Variants in CACNA2D3 observed in about 807,000 individuals in gnomAD.
CACNA2D3 encodes calcium voltage-gated channel auxiliary subunit alpha2delta 3.
A neutral mutation model predicts 160.6 loss-of-function variants in CACNA2D3; 60 were observed. The ratio of observed to expected loss-of-function variants is 0.37; its 90% CI spans 0.30 to 0.46. The LOEUF (loss-of-function observed/expected upper bound fraction) is 0.46. CACNA2D3 is among the 20% of genes least tolerant of loss of function. The pLI, the probability that CACNA2D3 is intolerant of heterozygous loss-of-function variation, is 1.00. For missense variants in CACNA2D3, 1,205 were observed against 1,365.0 expected, an observed-to-expected ratio of 0.88 and a Z score of 1.85; for synonymous variants, 558 against 492.9, an observed-to-expected ratio of 1.13 and a Z score of -1.75.
intron 4 of CACNA2D3, among the ~76,000 whole-genome samples, chr3:54,456,288 T>C (rs1700395381): frequency 6.6e-6 from 1 of 152,058 alleles, no homozygotes; most frequent in African/African-American, 2.4e-5. Context: ...GTTAAATTTA[T>C]TCTTAAGTAT....
chr3:54,918,678 G>C (rs1327386917), intron 27 of CACNA2D3: 2 of 1,614,144 alleles, frequency 1.2e-6, no homozygotes, highest in Non-Finnish European at 1.7e-6. Context: ...GCTTGGGTTT[G>C]AGCTCGCACT....
At chr3:54,471,794 A>G (rs1451187319) in intron 4 of CACNA2D3, among the ~76,000 whole-genome samples, 1 of 152,178 alleles carries the variant, frequency 6.6e-6, no homozygotes, top group South Asian at 2.1e-4. Context: ...TAAACTAGAA[A>G]ATCTAGAAGA....
chr3:54,375,063 T>C (rs1194523405), intron 3 of CACNA2D3, among the ~76,000 whole-genome samples: 1 of 152,204 alleles, frequency 6.6e-6, no homozygotes. Flanking sequence ...GCCCTTCCTT[T>C]GTTTTCTGGG....
Position 54,298,944 on chromosome 3 carries a change from TAAAAA to T in CACNA2D3, c.205-21473_205-21469del, listed in dbSNP as rs59100168. Among the ~76,000 whole-genome samples the T allele has an allele frequency of 3.6e-3, 359 of 99,270 alleles. 1 individual carries two copies. Among genetic ancestry groups the T allele is most frequent in the African/African-American group, 0.014 (344 of 24,872 alleles). 65.1% of individuals were successfully genotyped at this position (99,270 alleles called of 152,430 possible). A position where few individuals can be genotyped will look rare whatever the true frequency, so the allele number is the denominator to read the frequency against. On this transcript the variant is annotated intron_variant, in intron 2 of 37. Coordinates refer to ENST00000474759, the MANE Select transcript of CACNA2D3 (RefSeq NM_018398.3). ...AGCAACAGAGCAAGACTCTGTTTCTTAAAAAAAAAAAAAAAAAAAAAAAAAAAAAG... is the reference window on the plus strand; with the variant it reads ...AGCAACAGAGCAAGACTCTGTTTCTTAAAAAAAAAAAAAAAAAAAAAAAAG...
chr3:54,991,461 G>C (rs1406865302), intron 31 of CACNA2D3, among the ~76,000 whole-genome samples: 1 of 152,120 alleles, frequency 6.6e-6, no homozygotes, highest in African/African-American at 2.4e-5. Flanking sequence ...GACCTCAGGT[G>C]ATCCCCCCAA....
rs192267570 is a variant in CACNA2D3, at chr3:54,273,015, A to C, written c.205-47427A>C. On this transcript the variant is annotated intron_variant, in intron 2 of 37. Coordinates refer to ENST00000474759, the MANE Select transcript of CACNA2D3 (RefSeq NM_018398.3). ...GTTCTGAGTCCTGCCATGGGCCGTG[A>C]GGACAGCCGGCCACTCTTCCTGGTG... is the stretch of plus-strand genomic sequence containing the variant. 1,181 of 152,452 alleles carry C rather than the reference A, an allele frequency of 7.7e-3. 6 individuals carry two copies. The highest frequency in any genetic ancestry group is 0.012 in the Non-Finnish European group (828 of 68,152). The allele number at this position is 152,452 out of a possible 1,614,324, so 9.4% of individuals were successfully genotyped here. A position where few individuals can be genotyped will look rare whatever the true frequency, so the allele number is the denominator to read the frequency against.
intron 3 of CACNA2D3, among the ~76,000 whole-genome samples, chr3:54,339,260 G>A (rs1704462706): frequency 6.6e-6 from 1 of 152,068 alleles, no homozygotes; most frequent in Non-Finnish European, 1.5e-5. Context: ...TCTCTGAGTG[G>A]AATCTTCTTC....
At chr3:54,514,946 C>G (rs1701523687) in intron 5 of CACNA2D3, among the ~76,000 whole-genome samples, 1 of 152,166 alleles carries the variant, frequency 6.6e-6, no homozygotes, top group African/African-American at 2.4e-5. Flanking sequence ...ATACGAATTT[C>G]TACTGTAGAA....
chr3:54,328,003 G>A (rs541909093), intron 3 of CACNA2D3, among the ~76,000 whole-genome samples: 3 of 152,288 alleles, frequency 2.0e-5, no homozygotes, highest in South Asian at 4.1e-4. Flanking sequence ...GATGGCATCC[G>A]TAGTGTTTCA....
At chr3:54,525,464 C>G (rs925729746) in intron 5 of CACNA2D3, among the ~76,000 whole-genome samples, 1 of 152,110 alleles carries the variant, frequency 6.6e-6, no homozygotes, top group Non-Finnish European at 1.5e-5. Context: ...GTTATTTGCT[C>G]TAAGCATGCA....
chr3:54,822,840 C>CTTTCTTTCTTTCTTTCTTTCTTTCTTTCT (rs1559595895), intron 14 of CACNA2D3, among the ~76,000 whole-genome samples: 5 of 103,778 alleles, frequency 4.8e-5, no homozygotes, highest in African/African-American at 2.1e-4. Context: ...TCTTTTCTTT[C>CTTTCTTTCTTTCTTTCTTTCTTTCTTTCT]TTTCTTTCTT....
chr3:54,560,694 T>C (rs1702310903), intron 5 of CACNA2D3, among the ~76,000 whole-genome samples: 1 of 152,168 alleles, frequency 6.6e-6, no homozygotes, highest in East Asian at 1.9e-4. Flanking sequence ...TATTCCAGGG[T>C]TTTTATAGTT....
intron 2 of CACNA2D3, among the ~76,000 whole-genome samples, chr3:54,184,072 T>G (rs890880325): frequency 1.3e-5 from 2 of 152,018 alleles, no homozygotes. Flanking sequence ...AGGTCAAGCT[T>G]GAAGGCAGGG....
intron 35 of CACNA2D3, among the ~76,000 whole-genome samples, chr3:55,045,996 CTTCT>C (rs1267960197): frequency 6.6e-6 from 1 of 151,732 alleles, no homozygotes; most frequent in Non-Finnish European, 1.5e-5. Context: ...TGAGGACTTT[CTTCT>C]TTCTAATATA....
At chr3:54,693,898 C>T (rs1032124433) in intron 11 of CACNA2D3, among the ~76,000 whole-genome samples, 3 of 152,060 alleles carry the variant, frequency 2.0e-5, no homozygotes, top group Non-Finnish European at 4.4e-5. Context: ...AGTCATGTTA[C>T]TACAGAAGAA....
chr3:54,983,399 A>G (rs537327408), intron 29 of CACNA2D3, among the ~76,000 whole-genome samples: 20 of 152,340 alleles, frequency 1.3e-4, no homozygotes, highest in African/African-American at 4.6e-4. Context: ...CCATGATGCT[A>G]TCTCCTGACA....
intron 2 of CACNA2D3, among the ~76,000 whole-genome samples, chr3:54,189,484 T>C (rs1700941689): frequency 2.0e-5 from 3 of 152,170 alleles, no homozygotes; most frequent in Admixed American, 2.0e-4. Flanking sequence ...TTCCTTGCTA[T>C]CCCATCCTTC....
chr3:54,162,818 A>G (rs4077945), intron 2 of CACNA2D3, among the ~76,000 whole-genome samples: 67,038 of 151,954 alleles, frequency 0.44, 14,937 homozygotes, highest in South Asian at 0.57. Flanking sequence ...CGTAAGACAG[A>G]TGGAATCCCT....
chr3:55,019,380 G>C (rs1466451704), intron 35 of CACNA2D3, among the ~76,000 whole-genome samples: 1 of 151,714 alleles, frequency 6.6e-6, no homozygotes, highest in Non-Finnish European at 1.5e-5. Flanking sequence ...TAAAATTTCT[G>C]TAAGTGATAG....
Sources: gnomAD v4.1 joint callset for allele counts (sites outside exome capture counted in the v4.1 genomes callset) on GRCh38, gnomAD v4.1.1 for gene constraint, MANE v1.5 for transcripts, NCBI Gene and HGNC (gene_info 2026-07-23, HGNC 2026-07-21) for gene names.